Variants in DAB1 observed in about 807,000 individuals in gnomAD.
DAB1 encodes disabled homolog 1.
Under a neutral mutation model 64.6 loss-of-function variants are expected in DAB1, and 15 were observed. The observed-to-expected ratio is 0.23, with a 90% confidence interval of 0.16 to 0.36. The LOEUF is 0.36. Ranked by LOEUF, DAB1 falls within the 10% of genes least tolerant of loss-of-function variation. The probability of loss-of-function intolerance (pLI) is 1.00; values close to 1 mark genes in which losing one functional copy is unlikely to be tolerated. For synonymous variants in DAB1, 235 were observed against 251.9 expected (o/e 0.93, Z 0.64); for missense variants, 596 against 706.7 (o/e 0.84, Z 1.78).
chr1:57,030,159 T>G (rs1646923322), intron 9 of DAB1, among the ~76,000 whole-genome samples: 1 of 152,172 alleles, frequency 6.6e-6, no homozygotes, highest in Non-Finnish European at 1.5e-5. Context: ...GAATAAGTCT[T>G]ATGAGATCTG....
At chr1:57,469,499 T>C (rs1234346765) in intron 7 of DAB1, among the ~76,000 whole-genome samples, 14 of 152,210 alleles carry the variant, frequency 9.2e-5, no homozygotes, top group Admixed American at 9.2e-4. Flanking sequence ...CCCTCTGAGA[T>C]GCTAGGTCCC....
At chr1:58,114,130 A>C (rs1652172589) in intron 5 of DAB1, among the ~76,000 whole-genome samples, 1 of 151,736 alleles carries the variant, frequency 6.6e-6, no homozygotes, top group African/African-American at 2.4e-5. Context: ...ATGGTGGCAC[A>C]TGCCTGTAAT....
intron 6 of DAB1, among the ~76,000 whole-genome samples, chr1:57,801,559 C>T (rs1651124543): frequency 6.6e-6 from 1 of 152,208 alleles, no homozygotes; most frequent in Non-Finnish European, 1.5e-5. Context: ...TTACCTATTA[C>T]AGCCATGTGC....
At chr1:57,670,090 T>C (rs1646493142) in intron 6 of DAB1, among the ~76,000 whole-genome samples, 1 of 152,174 alleles carries the variant, frequency 6.6e-6, no homozygotes, top group Non-Finnish European at 1.5e-5. Context: ...CTGAAATTAT[T>C]TTTATTCAGC....
chr1:57,605,961 C>T, intron 7 of DAB1: 1 of 686,040 alleles, frequency 1.5e-6, no homozygotes, highest in South Asian at 1.4e-5. Flanking sequence ...TGTGGATTCT[C>T]ATCTGGAAAC....
At chr1:58,535,704 T>C (rs1416944469) in intron 1 of DAB1, among the ~76,000 whole-genome samples, 2 of 152,040 alleles carry the variant, frequency 1.3e-5, no homozygotes, top group Non-Finnish European at 2.9e-5. Flanking sequence ...AACATGTGTA[T>C]GTGCTATGAA....
intron 5 of DAB1, among the ~76,000 whole-genome samples, chr1:58,044,372 G>T (rs1647194863): frequency 6.6e-6 from 1 of 151,910 alleles, no homozygotes; most frequent in Non-Finnish European, 1.5e-5. Flanking sequence ...TAGCCTAGGG[G>T]TTACAGTGGC....
intron 6 of DAB1, among the ~76,000 whole-genome samples, chr1:57,783,670 C>T (rs1339635492): frequency 6.6e-6 from 1 of 152,118 alleles, no homozygotes; most frequent in African/African-American, 2.4e-5. Context: ...ATTTTTTCAA[C>T]AGTATGTGGT....
intron 2 of DAB1, among the ~76,000 whole-genome samples, chr1:58,522,762 A>T (rs1646286524): frequency 6.6e-6 from 1 of 152,252 alleles, no homozygotes. Context: ...TATTCTTACA[A>T]TAAAATAAGC....
intron 5 of DAB1, among the ~76,000 whole-genome samples, chr1:58,122,034 T>C (rs925554780): frequency 6.6e-6 from 1 of 152,164 alleles, no homozygotes; most frequent in African/African-American, 2.4e-5. Context: ...CATGTAACAA[T>C]ATGATAAATA....
chr1:57,706,350 G>A (rs571833844), intron 6 of DAB1, among the ~76,000 whole-genome samples: 13 of 151,380 alleles, frequency 8.6e-5, no homozygotes, highest in Non-Finnish European at 1.8e-4. Context: ...CTGTTGTCCA[G>A]GCTGGAGTCC....
At chr1:57,163,362 A>C (rs541259941) in intron 2 of DAB1, among the ~76,000 whole-genome samples, 25 of 152,264 alleles carry the variant, frequency 1.6e-4, no homozygotes, top group Admixed American at 6.5e-4. Flanking sequence ...GATGTGAACA[A>C]GAAAAGGGCA....
At chr1:57,294,857 G>A (rs1432987060) in intron 1 of DAB1, among the ~76,000 whole-genome samples, 2 of 151,892 alleles carry the variant, frequency 1.3e-5, no homozygotes, top group Non-Finnish European at 2.9e-5. Context: ...GTGGGTGAAT[G>A]GAAAAACAAA....
chr1:57,628,084 T>C (rs1249559703), intron 7 of DAB1, among the ~76,000 whole-genome samples: 1 of 152,132 alleles, frequency 6.6e-6, no homozygotes. Flanking sequence ...AACACCCAAT[T>C]TGGGTTGAGA....
At chr1:58,097,518 GC>G (rs893058344) in intron 5 of DAB1, among the ~76,000 whole-genome samples, 1 of 146,888 alleles carries the variant, frequency 6.8e-6, no homozygotes, top group Non-Finnish European at 1.5e-5. Flanking sequence ...TGTTCAGGAA[GC>G]CTTTTTTTTT....
intron 2 of DAB1, among the ~76,000 whole-genome samples, chr1:57,267,733 G>C (rs1447929520): frequency 6.6e-6 from 1 of 152,112 alleles, no homozygotes; most frequent in Non-Finnish European, 1.5e-5. Flanking sequence ...AGCACCAAAG[G>C]GCATGGGTTT....
intron 2 of DAB1, among the ~76,000 whole-genome samples, chr1:57,277,631 C>A (rs139402823): frequency 6.6e-6 from 1 of 152,194 alleles, no homozygotes; most frequent in African/African-American, 2.4e-5. Flanking sequence ...CATTCAATGT[C>A]TTTAGCACAT....
chr1:57,662,878 T>A (rs952159320), intron 6 of DAB1, among the ~76,000 whole-genome samples: 5 of 152,194 alleles, frequency 3.3e-5, no homozygotes, highest in African/African-American at 1.2e-4. Context: ...TTCCAAATTC[T>A]TTCTGTTTTT....
At chr1:57,813,151 G>C (rs1651706601) in intron 6 of DAB1, among the ~76,000 whole-genome samples, 1 of 152,154 alleles carries the variant, frequency 6.6e-6, no homozygotes, top group South Asian at 2.1e-4. Context: ...TAACAGGAAA[G>C]CACTTGACAT....
Sources: allele counts gnomAD v4.1 joint callset (sites outside exome capture counted in the v4.1 genomes callset), GRCh38; gene constraint gnomAD v4.1.1; transcripts MANE v1.5; gene names NCBI Gene and HGNC (gene_info 2026-07-23, HGNC 2026-07-21).